Variants in FBXO34 observed in about 807,000 individuals in gnomAD.
FBXO34 encodes the protein F-box protein 34.
A neutral mutation model predicts 24.5 loss-of-function variants in FBXO34; 12 were observed. The observed-to-expected ratio is 0.49, with a 90% CI of 0.31 to 0.79. The LOEUF (loss-of-function observed/expected upper bound fraction) is 0.79. Ranked by LOEUF, FBXO34 falls within the 30% of genes least tolerant of loss-of-function variation. FBXO34 has a pLI of 0.04. For missense variants in FBXO34, 823 were observed against 857.7 expected (o/e 0.96, Z 0.51); for synonymous variants, 320 against 311.9 (o/e 1.03, Z -0.27).
the FBXO34 span, among the ~76,000 whole-genome samples, chr14:55,430,606 G>A: frequency 6.6e-6 from 1 of 152,034 alleles, no homozygotes; most frequent in Non-Finnish European, 1.5e-5. Flanking sequence ...GTCTTGCCCA[G>A]GCTGGGCTCA....
chr14:55,352,448 C>G lies in FBXO34; in HGVS notation c.2058C>G (p.His686Gln). Residue 686 changes from histidine (H) to glutamine (Q), a missense_variant, in exon 2 of 2, where the codon CAC becomes CAG. Coordinates refer to ENST00000313833, the MANE Select transcript of FBXO34 (RefSeq NM_017943.4). ...PGCKLGLHDN[H>Q]WVPACHSFNR... ...GTAAGCTGGGGCTTCATGACAATCACTGGGTTCCTGCCTGCCACAGCTTTA... is the reference window on the plus strand; with the variant it reads ...GTAAGCTGGGGCTTCATGACAATCAGTGGGTTCCTGCCTGCCACAGCTTTA... The G allele has an allele frequency of 1.2e-6, 2 of 1,614,160 alleles. No individual in the cohort carries two copies. Among genetic ancestry groups the G allele is most frequent in the Non-Finnish European group, 1.7e-6 (2 of 1,180,016 alleles).
At chr14:55,429,126 C>T in the FBXO34 span, 14 of 898,414 alleles carry the variant, frequency 1.6e-5, no homozygotes, top group African/African-American at 1.7e-5. Flanking sequence ...ACTTCCCATA[C>T]TTTCGTCCCT....
Position 55,351,432 on chromosome 14 carries a change from G to C in FBXO34, c.1042G>C (p.Val348Leu). ...TQVNPVGSVS[V>L]DCGPSRADRC... ...GGTGAATCCTGTGGGGTCTGTATCTGTGGATTGTGGCCCTTCAAGAGCTGA... is the reference window on the plus strand; with the variant it reads ...GGTGAATCCTGTGGGGTCTGTATCTCTGGATTGTGGCCCTTCAAGAGCTGA... Residue 348 changes from valine to leucine, a missense_variant, in exon 2 of 2, where the codon GTG (valine) becomes CTG (leucine). Val to Leu is a conservative substitution (Grantham distance 32, BLOSUM62 1). Coordinates refer to ENST00000313833, the MANE Select transcript of FBXO34 (RefSeq NM_017943.4). 1 of 1,614,248 alleles carries C rather than the reference G, an allele frequency of 6.2e-7. No homozygotes were observed. The highest frequency in any genetic ancestry group is 8.5e-7 in the Non-Finnish European group (1 of 1,180,040).
Position 55,340,427 on chromosome 14 carries a change from G to A in FBXO34, c.-10-9954G>A, listed in dbSNP as rs140616902. Among the ~76,000 whole-genome samples the A allele has an allele frequency of 6.2e-4, 94 of 151,014 alleles. 2 individuals are homozygous for A. In the East Asian group the frequency reaches 0.018, roughly 28 times the overall value. ...TTTTTTTTTTTTTTTGAATGGGGGT[G>A]GTACATAGGGAACCTCCCTGTATTG... On this transcript the variant is annotated intron_variant, in intron 1 of 1. Coordinates refer to ENST00000313833, the MANE Select transcript of FBXO34 (RefSeq NM_017943.4).
At chr14:55,277,843 C>T (rs563628345) in intron 1 of FBXO34, among the ~76,000 whole-genome samples, 3 of 152,026 alleles carry the variant, frequency 2.0e-5, no homozygotes, top group African/African-American at 7.2e-5. Context: ...TTGTATATCC[C>T]TTTTTACTTT....
chr14:55,320,775 T>G (rs1359384918), intron 1 of FBXO34, among the ~76,000 whole-genome samples: 1 of 152,060 alleles, frequency 6.6e-6, no homozygotes, highest in African/African-American at 2.4e-5. Context: ...ATATAAAGTT[T>G]TAAGGTGAGA....
At chr14:55,376,377 T>G in the FBXO34 span, among the ~76,000 whole-genome samples, 5 of 152,126 alleles carry the variant, frequency 3.3e-5, no homozygotes, top group Admixed American at 6.6e-5. Flanking sequence ...AAACCAACCA[T>G]CAAAACTGGG....
intron 1 of FBXO34, among the ~76,000 whole-genome samples, chr14:55,283,078 GTCT>G (rs1881614826): frequency 6.6e-6 from 1 of 152,140 alleles, no homozygotes; most frequent in African/African-American, 2.4e-5. Flanking sequence ...TGTTCAGGCT[GTCT>G]TCTTTCTTGG....
downstream of FBXO34, among the ~76,000 whole-genome samples, chr14:55,370,958 TC>T (rs971720452): frequency 6.6e-6 from 1 of 151,996 alleles, no homozygotes; most frequent in Non-Finnish European, 1.5e-5. Flanking sequence ...TGCTTCTTTT[TC>T]CCCTCCCTTT....
chr14:55,440,902 C>T, the FBXO34 span, among the ~76,000 whole-genome samples: 2 of 152,190 alleles, frequency 1.3e-5, no homozygotes, highest in Admixed American at 6.5e-5. Flanking sequence ...CACTCTTTCG[C>T]CCAGTGCCAT....
chr14:55,357,595 C>T (rs894498401), downstream of FBXO34, among the ~76,000 whole-genome samples: 2 of 152,138 alleles, frequency 1.3e-5, no homozygotes, highest in African/African-American at 4.8e-5. Flanking sequence ...GTGGAAAAAT[C>T]ATTAAGCTCA....
chr14:55,318,881 A>C (rs1883032379), intron 1 of FBXO34, among the ~76,000 whole-genome samples: 1 of 151,958 alleles, frequency 6.6e-6, no homozygotes, highest in Non-Finnish European at 1.5e-5. Context: ...GTTATCCAAG[A>C]CTGGAAGATT....
chr14:55,348,282 A>G (rs1390616931), intron 1 of FBXO34, among the ~76,000 whole-genome samples: 1 of 152,066 alleles, frequency 6.6e-6, no homozygotes, highest in Non-Finnish European at 1.5e-5. Context: ...AGGCTAGAGT[A>G]TAGCAGTGTG....
At chr14:55,436,513 TA>T in the FBXO34 span, 1 of 1,499,828 alleles carries the variant, frequency 6.7e-7, no homozygotes, top group Non-Finnish European at 9.2e-7. Context: ...TTCAGGAATA[TA>T]AAATGTGTAC....
chr14:55,319,457 CCTT>C (rs1277263550), intron 1 of FBXO34, among the ~76,000 whole-genome samples: 5 of 152,194 alleles, frequency 3.3e-5, no homozygotes, highest in Admixed American at 1.3e-4. Context: ...TCCATTCTGT[CCTT>C]CTTCCCTCAC....
chr14:55,302,530 G>C lies in FBXO34; in HGVS notation c.-11+30993G>C, dbSNP rs1259871929. On this transcript the variant is annotated intron_variant, in intron 1 of 1. Transcript: ENST00000313833. Reference sequence around the variant, plus strand: ...GGTGTGGAACACCTGGCCTCAGGCAGTTCTCCTGCTTTGGCCTCCCAAAGT... The same window carrying C: ...GGTGTGGAACACCTGGCCTCAGGCACTTCTCCTGCTTTGGCCTCCCAAAGT... Among the ~76,000 whole-genome samples, 4 of 133,006 alleles carry C rather than the reference G, an allele frequency of 3.0e-5. No individual in the cohort carries two copies. In the East Asian group the frequency reaches 9.0e-4, roughly 30 times the overall value. 87.3% of individuals were successfully genotyped at this position (133,006 alleles called of 152,430 possible).
chr14:55,322,196 G>C (rs1027005115), intron 1 of FBXO34, among the ~76,000 whole-genome samples: 4 of 151,822 alleles, frequency 2.6e-5, no homozygotes, highest in Non-Finnish European at 4.4e-5. Context: ...TGTAGTCCCA[G>C]CTACTTAGGA....
At chr14:55,378,923 GTCTC>G in the FBXO34 span, among the ~76,000 whole-genome samples, 12 of 152,002 alleles carry the variant, frequency 7.9e-5, no homozygotes, top group African/African-American at 2.7e-4. Context: ...TCCCAGGCTG[GTCTC>G]TAACTCCTGA....
intron 1 of FBXO34, among the ~76,000 whole-genome samples, chr14:55,277,751 A>G (rs781315697): frequency 6.6e-6 from 1 of 152,176 alleles, no homozygotes; most frequent in Admixed American, 6.5e-5. Context: ...CTCAGTTATA[A>G]TTCTATCCAA....
Sources: gnomAD v4.1 joint callset for allele counts (sites outside exome capture counted in the v4.1 genomes callset) on GRCh38, gnomAD v4.1.1 for gene constraint, MANE v1.5 for transcripts, NCBI Gene and HGNC (gene_info 2026-07-23, HGNC 2026-07-21) for gene names.